GRID1: variants seen among roughly 807,000 people sequenced by gnomAD.
The protein encoded by GRID1 is glutamate ionotropic receptor delta type subunit 1.
GRID1 carries 28 observed loss-of-function variants against 98.0 expected under a neutral mutation model. That is an observed-to-expected ratio of 0.29 (90% CI 0.21 to 0.39). GRID1 has a LOEUF of 0.39. Among genes scored for constraint, GRID1 ranks in the 10% least tolerant of loss-of-function variants. The pLI is 1.00. For synonymous variants in GRID1, 553 were observed against 538.5 expected (o/e 1.03, Z -0.37); for missense variants, 1,111 against 1,340.5 (o/e 0.83, Z 2.67).
chr10:86,060,628 G>A (rs143926756), intron 4 of GRID1, among the ~76,000 whole-genome samples: 47 of 152,282 alleles, frequency 3.1e-4, no homozygotes, highest in Admixed American at 7.2e-4. Context: ...CCCGGGTGTC[G>A]GATGCTCCAC....
intron 2 of GRID1, among the ~76,000 whole-genome samples, chr10:86,332,398 TCAGAAC>T (rs1219694549): frequency 2.0e-5 from 3 of 152,008 alleles, no homozygotes; most frequent in Non-Finnish European, 4.4e-5. Context: ...TCCCTGCAGC[TCAGAAC>T]GCCTCTGAAG....
At chr10:85,857,758 G>A (rs182320575) in intron 6 of GRID1, among the ~76,000 whole-genome samples, 38 of 152,238 alleles carry the variant, frequency 2.5e-4, no homozygotes, top group African/African-American at 8.9e-4. Context: ...AGCCTCACAG[G>A]ACTCCTGGGA....
At chr10:86,210,073 C>G (rs1367487488) in intron 2 of GRID1, among the ~76,000 whole-genome samples, 1 of 152,154 alleles carries the variant, frequency 6.6e-6, no homozygotes, top group Non-Finnish European at 1.5e-5. Flanking sequence ...ACTGAGGAGA[C>G]AGACTCTGCA....
At position 85,766,331 on chromosome 10, in the gene GRID1, T is replaced by C. The variant is rs545190219; in HGVS notation, c.1234-36717A>G. ...TGAAACCCCATTTCTATAGAAAATTTAAAAATTAGCCTGGTGGGGTGGCAT... is the reference window on the plus strand; with the variant it reads ...TGAAACCCCATTTCTATAGAAAATTCAAAAATTAGCCTGGTGGGGTGGCAT... On this transcript the variant is annotated intron_variant, in intron 8 of 15. Transcript: ENST00000327946. 8.5e-5 allele frequency among the ~76,000 whole-genome samples: 13 copies of C among 152,176 alleles called. No homozygotes were observed. In the East Asian group the frequency reaches 2.5e-3, roughly 29 times the overall value.
At chr10:85,638,755 A>G (rs976541805) in intron 13 of GRID1, among the ~76,000 whole-genome samples, 3 of 152,258 alleles carry the variant, frequency 2.0e-5, no homozygotes, top group African/African-American at 7.2e-5. Context: ...GGAAAACTCA[A>G]TAAATATTAA....
intron 8 of GRID1, among the ~76,000 whole-genome samples, chr10:85,751,003 CAGTT>C: frequency 6.6e-6 from 1 of 152,214 alleles, no homozygotes. Context: ...AATCTTGTAA[CAGTT>C]GAAGAAATGT....
intron 2 of GRID1, among the ~76,000 whole-genome samples, chr10:86,353,013 G>A (rs1192860759): frequency 6.6e-6 from 1 of 152,234 alleles, no homozygotes; most frequent in African/African-American, 2.4e-5. Context: ...TGATCTCTGA[G>A]AGCCCTGAGG....
chr10:86,176,360 G>T (rs1003332533), intron 3 of GRID1, among the ~76,000 whole-genome samples: 1 of 152,328 alleles, frequency 6.6e-6, no homozygotes, highest in African/African-American at 2.4e-5. Flanking sequence ...TTACCTAAAA[G>T]AATGGGGAAC....
At chr10:86,139,896 T>C (rs1844986706) in intron 3 of GRID1, among the ~76,000 whole-genome samples, 2 of 151,376 alleles carry the variant, frequency 1.3e-5, no homozygotes, top group South Asian at 2.1e-4. Context: ...TAAAGTTTTT[T>C]CATCCAGTGC....
At chr10:86,217,610 G>T (rs1004643959) in intron 2 of GRID1, among the ~76,000 whole-genome samples, 1 of 152,168 alleles carries the variant, frequency 6.6e-6, no homozygotes, top group Non-Finnish European at 1.5e-5. Flanking sequence ...CTAGGAAAGA[G>T]GCAGCCGGCT....
intron 8 of GRID1, among the ~76,000 whole-genome samples, chr10:85,807,798 T>C (rs1405875254): frequency 1.3e-5 from 2 of 152,136 alleles, no homozygotes; most frequent in East Asian, 1.9e-4. Context: ...TATAACCACA[T>C]TGGAAAACAA....
chr10:85,999,936 C>T (rs533738883), intron 4 of GRID1, among the ~76,000 whole-genome samples: 8 of 152,344 alleles, frequency 5.3e-5, no homozygotes, highest in African/African-American at 1.9e-4. Flanking sequence ...TTCACACTCA[C>T]CATTCTTATT....
chr10:86,311,055 A>T (rs1847825460), intron 2 of GRID1, among the ~76,000 whole-genome samples: 1 of 151,998 alleles, frequency 6.6e-6, no homozygotes, highest in African/African-American at 2.4e-5. Flanking sequence ...GGACAAGGAG[A>T]AAGGAGAGAG....
chr10:86,217,658 TGTAAGCAACACCTC>T (rs1256324806), intron 2 of GRID1, among the ~76,000 whole-genome samples: 1 of 152,140 alleles, frequency 6.6e-6, no homozygotes, highest in Non-Finnish European at 1.5e-5. Context: ...TTGGTGCTCC[TGTAAGCAACACCTC>T]GTAAGCAACA....
intron 5 of GRID1, among the ~76,000 whole-genome samples, chr10:85,901,372 G>A (rs576039851): frequency 3.9e-5 from 6 of 152,004 alleles, no homozygotes; most frequent in Middle Eastern, 3.4e-3. Context: ...TCAGCCTCCC[G>A]AGTAGCTGGG....
intron 12 of GRID1, chr10:85,709,088 G>C: frequency 2.9e-6 from 1 of 339,908 alleles, no homozygotes; most frequent in Non-Finnish European, 5.9e-6. Flanking sequence ...GAAAACCCCT[G>C]TTAAGGGAAT....
intron 8 of GRID1, among the ~76,000 whole-genome samples, chr10:85,799,251 G>A (rs1214521379): frequency 6.6e-6 from 1 of 152,078 alleles, no homozygotes; most frequent in Admixed American, 6.6e-5. Flanking sequence ...TTGCTTTGGG[G>A]TATACTTTGA....
At chr10:85,976,976 C>T (rs1842480935) in intron 4 of GRID1, among the ~76,000 whole-genome samples, 1 of 152,224 alleles carries the variant, frequency 6.6e-6, no homozygotes, top group Admixed American at 6.5e-5. Flanking sequence ...TTAGGAAGGA[C>T]TAAGCACTGG....
At chr10:86,262,639 T>C (rs1172112625) in intron 2 of GRID1, among the ~76,000 whole-genome samples, 1 of 152,172 alleles carries the variant, frequency 6.6e-6, no homozygotes, top group East Asian at 1.9e-4. Context: ...CCTTCCCCAC[T>C]TCACTGTTAA....
Sources: gnomAD v4.1 joint callset for allele counts (sites outside exome capture counted in the v4.1 genomes callset) on GRCh38, gnomAD v4.1.1 for gene constraint, MANE v1.5 for transcripts, NCBI Gene and HGNC (gene_info 2026-07-23, HGNC 2026-07-21) for gene names.